Variants in IL19 observed in about 807,000 individuals in gnomAD.
IL19 encodes the protein interleukin-19.
In IL19, 15 loss-of-function variants were observed where a neutral mutation model predicts 19.5. The ratio of observed to expected loss-of-function variants is 0.77; its 90% CI spans 0.52 to 1.19. The LOEUF is 1.19. IL19 is among the 50% of genes most tolerant of loss of function. The pLI is 0.00. For missense variants in IL19, 199 were observed against 213.1 expected, an observed-to-expected ratio of 0.93 and a Z score of 0.41; for synonymous variants, 78 against 78.3, an observed-to-expected ratio of 1.00 and a Z score of 0.02.
At chr1:206,773,817 G>A (rs1179115011) in intron 1 of IL19, among the ~76,000 whole-genome samples, 1 of 152,094 alleles carries the variant, frequency 6.6e-6, no homozygotes, top group East Asian at 1.9e-4. Flanking sequence ...TAACTGGGAG[G>A]AACACTGACC....
At chr1:206,793,847 T>C (rs1391941517) in intron 1 of IL19, among the ~76,000 whole-genome samples, 1 of 152,224 alleles carries the variant, frequency 6.6e-6, no homozygotes, top group African/African-American at 2.4e-5. Context: ...AATGGCATCA[T>C]CTGGTCGAAG....
chr1:206,838,945 G>C (rs1424033685), intron 4 of IL19, among the ~76,000 whole-genome samples: 1 of 152,170 alleles, frequency 6.6e-6, no homozygotes, highest in African/African-American at 2.4e-5. Context: ...GGAAGAGAAG[G>C]GTTTTTGTGT....
chr1:206,821,731 C>A (rs1351410608), intron 2 of IL19, among the ~76,000 whole-genome samples: 1 of 152,238 alleles, frequency 6.6e-6, no homozygotes, highest in Non-Finnish European at 1.5e-5. Context: ...CACAGCAGGG[C>A]TAAGAAAAGG....
intron 2 of IL19, among the ~76,000 whole-genome samples, chr1:206,800,609 T>C (rs1389063921): frequency 6.6e-6 from 1 of 152,136 alleles, no homozygotes; most frequent in Non-Finnish European, 1.5e-5. Flanking sequence ...TGCATGTGTT[T>C]AGGAAACCGG....
chr1:206,800,792 GC>G (rs1343032262), intron 2 of IL19, among the ~76,000 whole-genome samples: 1 of 152,208 alleles, frequency 6.6e-6, no homozygotes, highest in African/African-American at 2.4e-5. Flanking sequence ...ATTGGCCCTG[GC>G]CCCTCCTGGC....
In IL19 at chr1:206,839,791, C is replaced by T; in HGVS notation, c.211-59C>T. ...GCTGCCCCTACTCAAATGGACTGCCCTGGTCTCCAACATAATGAGAGAAGA... is the reference window on the plus strand; with the variant it reads ...GCTGCCCCTACTCAAATGGACTGCCTTGGTCTCCAACATAATGAGAGAAGA... On this transcript the variant is annotated intron_variant, in intron 4 of 6. Transcript: ENST00000659997. 4 of 1,486,414 alleles carry T rather than the reference C, an allele frequency of 2.7e-6. No individual in the cohort carries two copies. In the South Asian group the frequency reaches 3.9e-5, roughly 14 times the overall value. The allele number at this position is 1,486,414 out of a possible 1,614,324, so 92.1% of individuals were successfully genotyped here. A position where few individuals can be genotyped will look rare whatever the true frequency, so the allele number is the denominator to read the frequency against.
chr1:206,812,500 G>T (rs1572561349), intron 2 of IL19, among the ~76,000 whole-genome samples: 1 of 152,180 alleles, frequency 6.6e-6, no homozygotes, highest in Non-Finnish European at 1.5e-5. Flanking sequence ...AAATTGGATT[G>T]CTGCCACTCC....
intron 2 of IL19, among the ~76,000 whole-genome samples, chr1:206,817,776 T>C (rs1370352616): frequency 2.0e-5 from 3 of 151,268 alleles, no homozygotes; most frequent in South Asian, 2.1e-4. Context: ...TTTTTTTTTT[T>C]AATTTGAGAC....
At chr1:206,776,205 A>C (rs1674986919) in intron 1 of IL19, among the ~76,000 whole-genome samples, 1 of 152,148 alleles carries the variant, frequency 6.6e-6, no homozygotes, top group African/African-American at 2.4e-5. Context: ...ACTCATCAAG[A>C]AGCCCAAAGC....
At chr1:206,816,556 G>C (rs78175573) in intron 2 of IL19, among the ~76,000 whole-genome samples, 1 of 151,960 alleles carries the variant, frequency 6.6e-6, no homozygotes, top group East Asian at 1.9e-4. Context: ...AGTCAACAAA[G>C]GAGATAAAAT....
chr1:206,792,460 C>A (rs766860823), intron 1 of IL19, among the ~76,000 whole-genome samples: 2 of 152,020 alleles, frequency 1.3e-5, no homozygotes, highest in Admixed American at 1.3e-4. Context: ...CCCCCCACCC[C>A]GCCTTTTTTT....
chr1:206,813,831 A>G (rs1176444342), intron 2 of IL19, among the ~76,000 whole-genome samples: 1 of 152,162 alleles, frequency 6.6e-6, no homozygotes, highest in Non-Finnish European at 1.5e-5. Flanking sequence ...AGTAAAGGAG[A>G]TGGCCCTCAA....
chr1:206,813,683 C>T (rs1378558468), intron 2 of IL19, among the ~76,000 whole-genome samples: 1 of 152,128 alleles, frequency 6.6e-6, no homozygotes, highest in Non-Finnish European at 1.5e-5. Context: ...TTAGAGTTCT[C>T]TTTTAACTTT....
rs1342108737 is a variant in IL19, at chr1:206,839,872, C to G, written c.233C>G (p.Thr78Ser). The G allele has an allele frequency of 1.2e-6, 2 of 1,613,910 alleles. No homozygotes were observed. Among genetic ancestry groups the G allele is most frequent in the Non-Finnish European group, 1.7e-6 (2 of 1,179,900 alleles). ...IIKPLDVCCV[T>S]KNLLAFYVDR... is the part of the protein sequence containing the mutation. ...TAGCCCTTAGATGTGTGCTGCGTGACCAAGAACCTCCTGGCGTTCTACGTG... is the reference window on the plus strand; with the variant it reads ...TAGCCCTTAGATGTGTGCTGCGTGAGCAAGAACCTCCTGGCGTTCTACGTG... Residue 78 changes from threonine to serine, a missense_variant, in exon 5 of 7, where the codon ACC (threonine) becomes AGC (serine). Transcript: ENST00000659997.
At chr1:206,830,728 C>A (rs1401745077) in intron 2 of IL19, among the ~76,000 whole-genome samples, 1 of 152,116 alleles carries the variant, frequency 6.6e-6, no homozygotes, top group Admixed American at 6.5e-5. Flanking sequence ...ACAGGTACTG[C>A]CACCACGCCA....
At position 206,801,778 on chromosome 1, in the gene IL19, TA is replaced by T. The variant is rs1166091859; in HGVS notation, c.-3+2773del. ...TAAGTAGACTGAATTTCTTGGGGAC[TA>T]GACCTTAATCATCTCTATATCCCTG... On this transcript the variant is annotated intron_variant, in intron 2 of 6. Coordinates refer to ENST00000659997, the MANE Select transcript of IL19 (RefSeq NM_153758.5). Among the ~76,000 whole-genome samples, 8 of 152,374 alleles carry T rather than the reference TA, an allele frequency of 5.3e-5. No homozygotes were observed. The East Asian group carries it at 1.3e-3, about 26-fold the overall frequency.
chr1:206,772,636 A>G, intron 1 of IL19: 1 of 594,472 alleles, frequency 1.7e-6, no homozygotes, highest in East Asian at 2.8e-5. Flanking sequence ...TAATAAACTT[A>G]GTTTTCAATT....
chr1:206,785,578 C>T (rs940088538), intron 1 of IL19, among the ~76,000 whole-genome samples: 3 of 152,188 alleles, frequency 2.0e-5, no homozygotes, highest in African/African-American at 7.2e-5. Context: ...GTTAGCATTT[C>T]AATGGAGGGC....
intron 2 of IL19, among the ~76,000 whole-genome samples, chr1:206,799,847 G>A (rs1446196894): frequency 2.0e-5 from 3 of 152,146 alleles, no homozygotes; most frequent in Admixed American, 2.0e-4. Context: ...CAATCCTATG[G>A]AGGAAGTGAC....
Sources: allele counts gnomAD v4.1 joint callset (sites outside exome capture counted in the v4.1 genomes callset), GRCh38; gene constraint gnomAD v4.1.1; transcripts MANE v1.5; gene names NCBI Gene and HGNC (gene_info 2026-07-23, HGNC 2026-07-21).